Variants in GRIA3 observed in about 807,000 individuals in gnomAD.
GRIA3 encodes the protein glutamate ionotropic receptor AMPA type subunit 3, also known as glutamate receptor 3.
A neutral mutation model predicts 63.0 loss-of-function variants in GRIA3; 3 were observed. The ratio of observed to expected loss-of-function variants is 0.05; its 90% CI spans 0.02 to 0.12. The LOEUF (loss-of-function observed/expected upper bound fraction) is 0.12, where lower values mean the gene tolerates loss of function less well. GRIA3 is among the 10% of genes least tolerant of loss of function. The pLI, the probability that GRIA3 is intolerant of heterozygous loss-of-function variation, is 1.00. For missense variants in GRIA3, 347 were observed against 700.9 expected (o/e 0.50, Z 5.70); for synonymous variants, 274 against 257.9 (o/e 1.06, Z -0.60).
At chrX:123,190,069 C>CTT (rs1927387884) in intron 2 of GRIA3, among the ~76,000 whole-genome samples, 1 of 111,755 alleles carries the variant, frequency 8.9e-6, no homozygotes, top group Non-Finnish European at 1.9e-5. Context: ...TGATCCCATT[C>CTT]TTTGCAATTT....
At chrX:123,218,746 C>G (rs1928223073) in intron 2 of GRIA3, among the ~76,000 whole-genome samples, 1 of 111,530 alleles carries the variant, frequency 9.0e-6, no homozygotes. Flanking sequence ...TACTTCATAG[C>G]TCTGTCTCTC....
At chrX:123,349,233 G>C (rs2045076490) in intron 4 of GRIA3, among the ~76,000 whole-genome samples, 1 of 112,209 alleles carries the variant, frequency 8.9e-6, no homozygotes, top group African/African-American at 3.2e-5. Flanking sequence ...ACAATGAAGT[G>C]TTCCCACAAA....
chrX:123,358,072 C>G (rs1409482027), intron 5 of GRIA3, among the ~76,000 whole-genome samples: 2 of 107,719 alleles, frequency 1.9e-5, no homozygotes, highest in African/African-American at 3.4e-5. Context: ...CAAAGACAGA[C>G]AGAGAGAGAG....
intron 4 of GRIA3, among the ~76,000 whole-genome samples, chrX:123,335,435 ATTTG>A (rs751566721): frequency 5.2e-4 from 58 of 111,692 alleles, no homozygotes; most frequent in African/African-American, 1.6e-3. Flanking sequence ...ATTAACTGAG[ATTTG>A]TTTGTTTATC....
intron 3 of GRIA3, among the ~76,000 whole-genome samples, chrX:123,263,324 C>T (rs1196768988): frequency 8.9e-6 from 1 of 112,150 alleles, no homozygotes; most frequent in Non-Finnish European, 1.9e-5. Context: ...AAAGAGGGGG[C>T]ACACATAGAG....
At chrX:123,262,832 A>G (rs1368041505) in intron 3 of GRIA3, among the ~76,000 whole-genome samples, 1 of 111,403 alleles carries the variant, frequency 9.0e-6, no homozygotes, top group Admixed American at 9.6e-5. Context: ...AGGCCACCAC[A>G]GAACTGCCTC....
At chrX:123,198,288 C>T (rs1927627361) in intron 2 of GRIA3, among the ~76,000 whole-genome samples, 2 of 111,827 alleles carry the variant, frequency 1.8e-5, no homozygotes, top group South Asian at 3.8e-4. Flanking sequence ...GCCATATGAC[C>T]GTGAGCAAAT....
intron 5 of GRIA3, among the ~76,000 whole-genome samples, chrX:123,391,681 G>A (rs1178568521): frequency 8.9e-6 from 1 of 111,990 alleles, no homozygotes; most frequent in Non-Finnish European, 1.9e-5. Flanking sequence ...CCGGATGGGT[G>A]GGTGGGTCCT....
intron 1 of GRIA3, 163 bp downstream of exon 1, chrX:123,184,807 G>A (rs1380712036): frequency 2.0e-6 from 1 of 501,531 alleles, no homozygotes; most frequent in Non-Finnish European, 3.6e-6. Flanking sequence ...CGGGGCGGGG[G>A]GAATCTGAGC....
chrX:123,278,459 T>C (rs1321019369), intron 3 of GRIA3, among the ~76,000 whole-genome samples: 1 of 112,409 alleles, frequency 8.9e-6, no homozygotes, highest in African/African-American at 3.2e-5. Context: ...TGGTTTTTGT[T>C]GCCTGTACTT....
At chrX:123,347,619 C>T (rs933387367) in intron 4 of GRIA3, among the ~76,000 whole-genome samples, 1 of 111,394 alleles carries the variant, frequency 9.0e-6, no homozygotes, top group Non-Finnish European at 1.9e-5. Flanking sequence ...CTTCCCTCCC[C>T]ACTCGGAGGC....
At chrX:123,441,829 C>A (rs1406896066) in intron 12 of GRIA3, among the ~76,000 whole-genome samples, 1 of 110,920 alleles carries the variant, frequency 9.0e-6, no homozygotes, top group Non-Finnish European at 1.9e-5. Context: ...TGAACACACA[C>A]ACACACACAC....
At chrX:123,194,994 A>T (rs1215171093) in intron 2 of GRIA3, among the ~76,000 whole-genome samples, 1 of 112,937 alleles carries the variant, frequency 8.9e-6, no homozygotes, top group African/African-American at 3.2e-5. Flanking sequence ...GCTCTTTGAG[A>T]TGGTAAGTAG....
intron 11 of GRIA3, among the ~76,000 whole-genome samples, chrX:123,419,621 G>A (rs1221406708): frequency 9.0e-6 from 1 of 110,875 alleles, no homozygotes; most frequent in African/African-American, 3.3e-5. Context: ...TCAGGGTGAG[G>A]CAAGTGAGCC....
At chrX:123,283,714 AG>A (rs1186616018) in intron 3 of GRIA3, among the ~76,000 whole-genome samples, 1 of 112,594 alleles carries the variant, frequency 8.9e-6, no homozygotes, top group Non-Finnish European at 1.9e-5. Context: ...TTCTCTGGGC[AG>A]GGCATCTCTG....
At chrX:123,239,787 C>T (rs920022186) in intron 2 of GRIA3, among the ~76,000 whole-genome samples, 10 of 112,156 alleles carry the variant, frequency 8.9e-5, no homozygotes, top group African/African-American at 2.9e-4. Context: ...ACTAGCTGCA[C>T]GTGGCTATGG....
intron 15 of GRIA3, among the ~76,000 whole-genome samples, chrX:123,486,842 T>C (rs927130024): frequency 8.9e-6 from 1 of 112,187 alleles, no homozygotes; most frequent in African/African-American, 3.2e-5. Flanking sequence ...TTACTTCTAT[T>C]ACTAATTATC....
intron 3 of GRIA3, among the ~76,000 whole-genome samples, chrX:123,320,869 G>A (rs183828565): frequency 3.6e-5 from 4 of 111,504 alleles, no homozygotes; most frequent in African/African-American, 1.3e-4. Context: ...TTCCAGTCTC[G>A]CTTCAGATTC....
chrX:123,415,051 G>A (rs952294177), intron 10 of GRIA3, among the ~76,000 whole-genome samples: 15 of 112,217 alleles, frequency 1.3e-4, no homozygotes, highest in Non-Finnish European at 2.3e-4. Context: ...GTGTAAAAGC[G>A]TTCCTATTTC....
Sources: gnomAD v4.1 joint callset for allele counts (sites outside exome capture counted in the v4.1 genomes callset) on GRCh38, gnomAD v4.1.1 for gene constraint, MANE v1.5 for transcripts, NCBI Gene and HGNC (gene_info 2026-07-23, HGNC 2026-07-21) for gene names.